Variants in ZCWPW2 observed in about 807,000 individuals in gnomAD.
ZCWPW2 encodes zinc finger CW-type PWWP domain protein 2.
ZCWPW2 carries 45 observed loss-of-function variants against 46.6 expected under a neutral mutation model. The ratio of observed to expected loss-of-function variants is 0.96; its 90% CI spans 0.76 to 1.24. ZCWPW2 has a LOEUF of 1.24. Ranked by LOEUF, ZCWPW2 falls within the 50% of genes most tolerant of loss-of-function variation. The pLI is 0.00. For synonymous variants in ZCWPW2, 152 were observed against 137.1 expected, an observed-to-expected ratio of 1.11 and a Z score of -0.76; for missense variants, 429 against 403.9, an observed-to-expected ratio of 1.06 and a Z score of -0.53.
chr3:28,510,761 A>G (rs973573392), intron 6 of ZCWPW2, among the ~76,000 whole-genome samples: 3 of 152,148 alleles, frequency 2.0e-5, no homozygotes, highest in African/African-American at 7.2e-5. Flanking sequence ...AACCAAGAGG[A>G]ACCTCAACCA....
At chr3:28,490,627 G>T (rs1311203757) in intron 5 of ZCWPW2, among the ~76,000 whole-genome samples, 1 of 152,060 alleles carries the variant, frequency 6.6e-6, no homozygotes, top group Non-Finnish European at 1.5e-5. Flanking sequence ...TTGAGTACAT[G>T]TGGTCACAAA....
At chr3:28,509,259 G>T (rs1700361804) in intron 6 of ZCWPW2, among the ~76,000 whole-genome samples, 1 of 151,628 alleles carries the variant, frequency 6.6e-6, no homozygotes, top group East Asian at 1.9e-4. Flanking sequence ...TCTACTCTTT[G>T]GCTATTATAA....
chr3:28,497,875 C>T (rs577156309), intron 6 of ZCWPW2, among the ~76,000 whole-genome samples: 1 of 152,188 alleles, frequency 6.6e-6, no homozygotes, highest in Non-Finnish European at 1.5e-5. Flanking sequence ...TGCCTGATCA[C>T]CTCTGCCCCA....
At chr3:28,351,715 G>C (rs1704559635) in intron 1 of ZCWPW2, 1 of 149,984 alleles carries the variant, frequency 6.7e-6, no homozygotes, top group African/African-American at 2.5e-5. Flanking sequence ...TATTACCTCA[G>C]GGGTCATATT....
rs576935771 is a variant in ZCWPW2 at position 28,448,784 on chromosome 3, C to CAAAAAAA, written c.492+13560_492+13566dup. 1.5e-4 allele frequency among the ~76,000 whole-genome samples: 10 copies of CAAAAAAA among 65,356 alleles called. 1 individual carries two copies. Among genetic ancestry groups the CAAAAAAA allele is most frequent in the Non-Finnish European group, 2.3e-4 (8 of 34,658 alleles). 42.9% of individuals were successfully genotyped at this position (65,356 alleles called of 152,430 possible). The stretch of plus-strand genomic sequence containing the variant: ...TGGGCTACCAAGTGAGACTCTGTCT[C>CAAAAAAA]AAAAAAAAAAAAAAAAAAAAAAAAA... On this transcript the variant is annotated intron_variant, in intron 4 of 9. Transcript: ENST00000383768.
chr3:28,435,317 GT>G, intron 4 of ZCWPW2, 48 bp downstream of exon 4: 1 of 1,530,228 alleles, frequency 6.5e-7, no homozygotes, highest in Non-Finnish European at 8.8e-7. Flanking sequence ...CTTATTTTTA[GT>G]TATGGTAATT....
intron 6 of ZCWPW2, among the ~76,000 whole-genome samples, chr3:28,510,650 A>G (rs1378964635): frequency 2.6e-5 from 4 of 152,106 alleles, no homozygotes; most frequent in Non-Finnish European, 4.4e-5. Flanking sequence ...GGTCTTAGGA[A>G]AATGCAAGTC....
intron 2 of ZCWPW2, among the ~76,000 whole-genome samples, chr3:28,395,829 A>G (rs759626025): frequency 6.6e-6 from 1 of 152,176 alleles, no homozygotes; most frequent in South Asian, 2.1e-4. Flanking sequence ...CCTAATGTAC[A>G]GCATAGTGAC....
rs1700814545 is a variant in ZCWPW2 at position 28,524,993 on chromosome 3, G to GGA, written c.*305_*306insGA. On this transcript the variant is annotated 3_prime_UTR_variant, in exon 10 of 10. Coordinates refer to ENST00000383768, the MANE Select transcript of ZCWPW2 (RefSeq NM_001040432.4). Reference sequence around the variant, plus strand: ...AACAAACATATGTTTTACAATGATTGTTTAGGCCCTTTGTTCAAAAATGGA... The same window carrying GGA: ...AACAAACATATGTTTTACAATGATTGGATTTAGGCCCTTTGTTCAAAAATGGA... 6.2e-6 allele frequency: 1 copy of GGA among 162,386 alleles called. No individual in the cohort carries two copies. The highest frequency in any genetic ancestry group is 1.3e-5 in the Non-Finnish European group (1 of 75,422). The allele number at this position is 162,386 out of a possible 1,614,324, so 10.1% of individuals were successfully genotyped here. A position where few individuals can be genotyped will look rare whatever the true frequency, so the allele number is the denominator to read the frequency against.
At chr3:28,482,576 C>T (rs938757158) in intron 5 of ZCWPW2, among the ~76,000 whole-genome samples, 8 of 152,174 alleles carry the variant, frequency 5.3e-5, no homozygotes, top group Non-Finnish European at 2.9e-5. Flanking sequence ...AACTACCAAA[C>T]TGTCTTCCAA....
chr3:28,456,730 A>G (rs527741548), intron 4 of ZCWPW2, among the ~76,000 whole-genome samples: 6 of 152,234 alleles, frequency 3.9e-5, no homozygotes, highest in Non-Finnish European at 5.9e-5. Flanking sequence ...TCAGATAATC[A>G]TGTGTTTTTT....
chr3:28,514,021 A>T (rs1268575950), intron 6 of ZCWPW2, 43 bp from the exon 7 acceptor site: 1 of 1,428,712 alleles, frequency 7.0e-7, no homozygotes, highest in Non-Finnish European at 9.5e-7. Context: ...GAGCTGATTT[A>T]GTCCTATATG....
chr3:28,389,198 T>C (rs890214770), intron 1 of ZCWPW2, among the ~76,000 whole-genome samples: 31 of 152,150 alleles, frequency 2.0e-4, no homozygotes, highest in African/African-American at 6.5e-4. Flanking sequence ...TAATAGTGAG[T>C]AGTGATACTC....
chr3:28,395,904 AAAT>A (rs1395060895), intron 2 of ZCWPW2, among the ~76,000 whole-genome samples: 4 of 152,140 alleles, frequency 2.6e-5, no homozygotes, highest in Admixed American at 6.5e-5. Context: ...TTTTCAGAAA[AAAT>A]AATAGATAAC....
chr3:28,433,078 G>T (rs996223308), intron 3 of ZCWPW2, among the ~76,000 whole-genome samples: 1 of 149,474 alleles, frequency 6.7e-6, no homozygotes, highest in Non-Finnish European at 1.5e-5. Flanking sequence ...ACTTCAATAA[G>T]CAAAGCATAT....
chr3:28,364,911 T>C (rs373198991), intron 1 of ZCWPW2, among the ~76,000 whole-genome samples: 29 of 152,360 alleles, frequency 1.9e-4, no homozygotes, highest in East Asian at 1.5e-3. Flanking sequence ...ATTTCTCTGA[T>C]GGCCAGTGAT....
At chr3:28,488,394 C>A (rs796366307) in intron 5 of ZCWPW2, among the ~76,000 whole-genome samples, 10 of 152,206 alleles carry the variant, frequency 6.6e-5, no homozygotes, top group African/African-American at 2.4e-4. Context: ...TGTTGTTGGA[C>A]TCTAGTGGGG....
intron 3 of ZCWPW2, among the ~76,000 whole-genome samples, chr3:28,425,640 G>T (rs1696977431): frequency 6.6e-6 from 1 of 152,064 alleles, no homozygotes; most frequent in South Asian, 2.1e-4. Context: ...CTGTAATAAA[G>T]CTAACTAGAA....
At chr3:28,520,915 C>G in intron 8 of ZCWPW2, 77 bp from the exon 9 acceptor site, 1 of 1,531,982 alleles carries the variant, frequency 6.5e-7, no homozygotes, top group Admixed American at 1.9e-5. Flanking sequence ...TTTCTTCTTT[C>G]TGGGTAGTTA....
Sources: gnomAD v4.1 joint callset for allele counts (sites outside exome capture counted in the v4.1 genomes callset) on GRCh38, gnomAD v4.1.1 for gene constraint, MANE v1.5 for transcripts, NCBI Gene and HGNC (gene_info 2026-07-23, HGNC 2026-07-21) for gene names.